The following AXDND1 variants were observed in gnomAD, a reference collection of about 807,000 sequenced individuals.
AXDND1 encodes axonemal dynein light chain domain containing 1.
In AXDND1, 110 loss-of-function variants were observed where a neutral mutation model predicts 137.5. The ratio of observed to expected loss-of-function variants is 0.80; its 90% CI spans 0.69 to 0.94. The LOEUF (loss-of-function observed/expected upper bound fraction) is 0.94, where lower values mean the gene tolerates loss of function less well. Among genes scored for constraint, AXDND1 ranks in the 40% least tolerant of loss-of-function variants. The probability of loss-of-function intolerance (pLI) is 0.00; values close to 1 mark genes in which losing one functional copy is unlikely to be tolerated. For missense variants in AXDND1, 1,191 were observed against 1,169.8 expected, an observed-to-expected ratio of 1.02 and a Z score of -0.26; for synonymous variants, 414 against 399.7, an observed-to-expected ratio of 1.04 and a Z score of -0.43.
intron 25 of AXDND1, among the ~76,000 whole-genome samples, chr1:179,550,356 A>G (rs564775399): frequency 1.3e-5 from 2 of 152,250 alleles, no homozygotes; most frequent in African/African-American, 4.8e-5. Context: ...GGGCATGTGT[A>G]GGTTACCTAA....
intron 12 of AXDND1, among the ~76,000 whole-genome samples, chr1:179,416,182 G>T (rs1654681111): frequency 6.6e-6 from 1 of 152,082 alleles, no homozygotes; most frequent in Admixed American, 6.6e-5. Flanking sequence ...GTGGATACTT[G>T]CAATCTTTGT....
intron 20 of AXDND1, among the ~76,000 whole-genome samples, chr1:179,496,157 A>ATTAAATATG (rs1558268336): frequency 3.3e-5 from 5 of 151,902 alleles, no homozygotes; most frequent in African/African-American, 1.2e-4. Context: ...CATAAGGGAT[A>ATTAAATATG]TTTATTAAAT....
chr1:179,517,297 C>T (rs1317959590), intron 21 of AXDND1, among the ~76,000 whole-genome samples: 1 of 152,184 alleles, frequency 6.6e-6, no homozygotes, highest in East Asian at 1.9e-4. Context: ...TTACTCCCAC[C>T]ATGCCCCTAC....
At chr1:179,422,164 TG>T (rs1655849222) in intron 12 of AXDND1, among the ~76,000 whole-genome samples, 1 of 152,314 alleles carries the variant, frequency 6.6e-6, no homozygotes, top group East Asian at 1.9e-4. Flanking sequence ...ATTTTAGGTT[TG>T]GTTTGTTCTT....
chr1:179,448,778 T>A (rs532515977), intron 16 of AXDND1: 2 of 163,882 alleles, frequency 1.2e-5, no homozygotes, highest in African/African-American at 4.8e-5. Context: ...ACTTTTGGTG[T>A]CATATCTAAG....
intron 17 of AXDND1, among the ~76,000 whole-genome samples, chr1:179,478,655 C>T (rs1664933754): frequency 6.6e-6 from 1 of 152,198 alleles, no homozygotes; most frequent in South Asian, 2.1e-4. Context: ...AGACATTTTC[C>T]CCATTGTCTT....
intron 25 of AXDND1, among the ~76,000 whole-genome samples, chr1:179,539,715 C>T (rs949980646): frequency 1.3e-5 from 2 of 152,120 alleles, no homozygotes; most frequent in African/African-American, 4.8e-5. Context: ...CTCTGTATTT[C>T]CTGAATTTGA....
chr1:179,371,351 C>T (rs900277904), intron 4 of AXDND1, among the ~76,000 whole-genome samples: 15 of 152,104 alleles, frequency 9.9e-5, no homozygotes. Flanking sequence ...TTGCTTGAAT[C>T]CAGGAGGTGG....
At chr1:179,530,346 A>G (rs1433938839) in intron 23 of AXDND1, among the ~76,000 whole-genome samples, 1 of 152,122 alleles carries the variant, frequency 6.6e-6, no homozygotes, top group Non-Finnish European at 1.5e-5. Context: ...TTTAAAAAGG[A>G]GACAAAGACA....
rs147412323 is a variant in AXDND1, at chr1:179,383,513, T to A, written c.710T>A (p.Val237Glu). Reference protein sequence around the residue: ...VMDTMLERAGVENQEYTGPTK... With the variant: ...VMDTMLERAGEENQEYTGPTK... ...GATACTATGCTAGAGAGGGCTGGTG[T>A]GGAAAATCAGGAATATACAGGACCA... The change falls in exon 8 of 26, where the codon GTG becomes GAG. Residue 237 changes from valine (V) to glutamate (E), a missense_variant. Transcript: ENST00000367618. 1.8e-3 allele frequency: 2,968 copies of A among 1,613,856 alleles called. 8 individuals are homozygous for A. The highest frequency in any genetic ancestry group is 2.0e-3 in the Non-Finnish European group (2,307 of 1,179,850).
intron 11 of AXDND1, among the ~76,000 whole-genome samples, chr1:179,398,871 TG>T (rs1393665584): frequency 7.4e-6 from 1 of 135,668 alleles, no homozygotes; most frequent in African/African-American, 2.8e-5. Flanking sequence ...TGGCAGGGGT[TG>T]GGGGGAGGGT....
chr1:179,463,955 T>C (rs1432751423), intron 16 of AXDND1, among the ~76,000 whole-genome samples: 2 of 152,148 alleles, frequency 1.3e-5, no homozygotes, highest in Non-Finnish European at 2.9e-5. Context: ...TGCTGTTTTT[T>C]TTCCCATTTG....
chr1:179,536,312 C>T (rs1220161143), intron 25 of AXDND1, among the ~76,000 whole-genome samples: 3 of 152,088 alleles, frequency 2.0e-5, no homozygotes, highest in African/African-American at 7.2e-5. Context: ...GTGGTATTGC[C>T]TAGGTTTTAT....
intron 25 of AXDND1, among the ~76,000 whole-genome samples, chr1:179,539,818 G>A (rs558091063): frequency 5.3e-5 from 8 of 152,090 alleles, no homozygotes; most frequent in Admixed American, 3.3e-4. Context: ...CGTCACTTTC[G>A]GGTACGCCAA....
rs1668807146 is a variant in AXDND1 at position 179,509,312 on chromosome 1, G to A, written c.2405G>A (p.Trp802Ter). 1 of 1,608,436 alleles carries A rather than the reference G, an allele frequency of 6.2e-7. No individual in the cohort carries two copies. ...VDKLKKECYE[W>*]INTCSCLLSN... Reference sequence around the variant, plus strand: ...TCTTCTCAGAAAGAATGTTATGAATGGATCAACACATGCTCTTGCCTCCTT... The same window carrying A: ...TCTTCTCAGAAAGAATGTTATGAATAGATCAACACATGCTCTTGCCTCCTT... Residue 802 changes from tryptophan to a stop codon, truncating the protein, a stop_gained, in exon 21 of 26, where the codon TGG becomes TAG. Transcript: ENST00000367618. LOFTEE classifies it high-confidence loss of function.
intron 23 of AXDND1, 56 bp from the exon 24 acceptor site, chr1:179,533,739 A>G: frequency 7.4e-7 from 1 of 1,346,458 alleles, no homozygotes; most frequent in South Asian, 1.2e-5. Context: ...CTAAAAAAGT[A>G]GAATACTAAT....
chr1:179,457,593 T>A (rs1254784085), intron 16 of AXDND1, among the ~76,000 whole-genome samples: 2 of 152,204 alleles, frequency 1.3e-5, no homozygotes, highest in African/African-American at 4.8e-5. Context: ...GTATTTCATA[T>A]AGCCAGTATT....
chr1:179,491,557 C>G lies in AXDND1; in HGVS notation c.2111C>G (p.Ser704Cys). 1 of 1,606,810 alleles carries G rather than the reference C, an allele frequency of 6.2e-7. No individual in the cohort carries two copies. The highest frequency in any genetic ancestry group is 1.7e-5 in the Admixed American group (1 of 59,896). ...LQHHMDELHISMIQWMVNLLI... is the reference protein window; with the variant it reads ...LQHHMDELHICMIQWMVNLLI... ...TAACAGATGGATGAGTTACATATAT[C>G]TATGATCCAGTGGATGGTAAACTTG... Residue 704 changes from serine to cysteine, a missense_variant, in exon 19 of 26, where the codon TCT becomes TGT. Transcript: ENST00000367618.
intron 6 of AXDND1, among the ~76,000 whole-genome samples, chr1:179,380,371 T>C (rs1648063209): frequency 2.6e-5 from 4 of 152,264 alleles, no homozygotes; most frequent in African/African-American, 9.6e-5. Flanking sequence ...CCATTTAATT[T>C]TGAATTTTTT....
Sources: allele counts gnomAD v4.1 joint callset (sites outside exome capture counted in the v4.1 genomes callset), GRCh38; gene constraint gnomAD v4.1.1; transcripts MANE v1.5; gene names NCBI Gene and HGNC (gene_info 2026-07-23, HGNC 2026-07-21).